Variants in WDR45B observed in about 807,000 individuals in gnomAD.
WDR45B encodes WD repeat domain 45B.
A neutral mutation model predicts 44.6 loss-of-function variants in WDR45B; 20 were observed. The observed-to-expected ratio is 0.45, with a 90% CI of 0.32 to 0.65. The LOEUF (loss-of-function observed/expected upper bound fraction) is 0.65. Among genes scored for constraint, WDR45B ranks in the 30% least tolerant of loss-of-function variants. The pLI, the probability that WDR45B is intolerant of heterozygous loss-of-function variation, is 0.05. For synonymous variants in WDR45B, 169 were observed against 164.9 expected, an observed-to-expected ratio of 1.02 and a Z score of -0.19; for missense variants, 323 against 430.2, an observed-to-expected ratio of 0.75 and a Z score of 2.20.
chr17:82,643,957 T>C lies in WDR45B; in HGVS notation c.134A>G (p.Glu45Gly), dbSNP rs1313323355. 2 of 1,614,074 alleles carry C rather than the reference T, an allele frequency of 1.2e-6. No homozygotes were observed. The highest frequency in any genetic ancestry group is 1.7e-5 in the Admixed American group (1 of 60,016). The change falls in exon 2 of 10, where the codon GAG (glutamate) becomes GGG (glycine). Residue 45 changes from glutamate to glycine, a missense_variant. Physicochemically the swap from Glu to Gly is moderately conservative, Grantham distance 98 (BLOSUM62 -2). Transcript: ENST00000392325. ...VYNTDPLKEK[E>G]KQEFLEGGVG... ...GTCCCGTTAATTCTTACCTTGTTTC[T>C]CTTTTTCTTTTAGTGGATCAGTGTT...
chr17:82,639,556 G>A lies in WDR45B; in HGVS notation c.142+4393C>T, dbSNP rs946793930. ...AACCACCTGCTACCTACACATTGCAGGCCTCCCATTTCTCTAGCACCTTCA... is the reference window on the plus strand; with the variant it reads ...AACCACCTGCTACCTACACATTGCAAGCCTCCCATTTCTCTAGCACCTTCA... On this transcript the variant is annotated intron_variant, in intron 2 of 9. Transcript: ENST00000392325. Among the ~76,000 whole-genome samples, 12 of 152,066 alleles carry A rather than the reference G, an allele frequency of 7.9e-5. 1 individual carries two copies. The highest frequency in any genetic ancestry group is 2.9e-4 in the African/African-American group (12 of 41,312).
chr17:82,626,257 G>C (rs2045695759), intron 4 of WDR45B, among the ~76,000 whole-genome samples: 1 of 151,366 alleles, frequency 6.6e-6, no homozygotes, highest in Non-Finnish European at 1.5e-5. Flanking sequence ...AGGAAAGTTG[G>C]CCGGGCGCAG....
At chr17:82,637,514 A>G (rs1003493373) in intron 2 of WDR45B, among the ~76,000 whole-genome samples, 1 of 151,948 alleles carries the variant, frequency 6.6e-6, no homozygotes, top group Admixed American at 6.6e-5. Context: ...TAGATCCCAC[A>G]GGTTGAAGGC....
intron 4 of WDR45B, among the ~76,000 whole-genome samples, chr17:82,626,211 T>G (rs1405437657): frequency 6.6e-6 from 1 of 150,994 alleles, no homozygotes; most frequent in African/African-American, 2.4e-5. Context: ...CTTTAAATAT[T>G]GACGTTATTA....
chr17:82,639,617 G>A (rs1445239472), intron 2 of WDR45B, among the ~76,000 whole-genome samples: 1 of 151,014 alleles, frequency 6.6e-6, no homozygotes, highest in Admixed American at 6.6e-5. Flanking sequence ...CACGAAGCCT[G>A]CAGGACCTGT....
At chr17:82,624,944 G>GT (rs1486750941) in intron 5 of WDR45B, among the ~76,000 whole-genome samples, 21 of 152,074 alleles carry the variant, frequency 1.4e-4, no homozygotes, top group Non-Finnish European at 2.5e-4. Flanking sequence ...AAACGAGTCA[G>GT]TTTTTTGTAA....
At chr17:82,644,336 T>C in intron 1 of WDR45B, 1 of 417,574 alleles carries the variant, frequency 2.4e-6, no homozygotes, top group Non-Finnish European at 4.5e-6. Context: ...TGAAGGACAC[T>C]TCTAGAGGAA....
intron 6 of WDR45B, among the ~76,000 whole-genome samples, chr17:82,621,322 G>A (rs763568122): frequency 6.6e-6 from 1 of 152,172 alleles, no homozygotes; most frequent in Admixed American, 6.5e-5. Context: ...CCAAATTGCT[G>A]GGATTACAGG....
intron 2 of WDR45B, among the ~76,000 whole-genome samples, chr17:82,642,168 G>A (rs1291413501): frequency 1.3e-5 from 2 of 152,132 alleles, no homozygotes; most frequent in African/African-American, 4.8e-5. Context: ...CAACCCCGGG[G>A]CAGTACTGGT....
chr17:82,616,171 T>G, intron 9 of WDR45B, 146 bp from the exon 10 acceptor site: 1 of 827,546 alleles, frequency 1.2e-6, no homozygotes. Flanking sequence ...CCCCACTGAA[T>G]GCGTTCGGTC....
In WDR45B at chr17:82,644,013, C is replaced by G; in HGVS notation, c.78G>C (p.Ala26=). 6.2e-7 allele frequency: 1 copy of G among 1,614,082 alleles called. No individual in the cohort carries two copies. Among genetic ancestry groups the G allele is most frequent in the Non-Finnish European group, 8.5e-7 (1 of 1,179,998 alleles). The change falls in exon 2 of 10, where the codon GCG becomes GCC. Residue 26 remains alanine (A), a synonymous_variant. Transcript: ENST00000392325. ...CTCGGAATCCATTTTCCATCCCACA[C>G]GCAAAGCATCCTAAAGCAGAAGTGT... is the stretch of plus-strand genomic sequence containing the variant. The part of the protein sequence containing the change: ...AGFNQDHGCF[A]CGMENGFRVY...
chr17:82,616,670 TG>T, intron 8 of WDR45B, 25 bp from the exon 9 acceptor site: 1 of 1,613,770 alleles, frequency 6.2e-7, no homozygotes, highest in Non-Finnish European at 8.5e-7. Flanking sequence ...AAAGAAAGGG[TG>T]GTTCAAAGTT....
Position 82,645,332 on chromosome 17 carries a change from A to C in WDR45B, c.68-1309T>G, listed in dbSNP as rs1266927380. Among the ~76,000 whole-genome samples the C allele has an allele frequency of 2.6e-5, 4 of 152,066 alleles. No individual in the cohort carries two copies. The East Asian group carries it at 5.8e-4, about 22-fold the overall frequency. ...AACAAAAATAAAAAATAAAAATAGA[A>C]ATACCCAAACCACCTCCTAGAAATC... On this transcript the variant is annotated intron_variant, in intron 1 of 9. Coordinates refer to ENST00000392325, the MANE Select transcript of WDR45B (RefSeq NM_019613.4).
chr17:82,619,158 C>T (rs2045579626), intron 6 of WDR45B, 30 bp from the exon 7 acceptor site: 1 of 1,603,482 alleles, frequency 6.2e-7, no homozygotes, highest in African/African-American at 1.3e-5. Flanking sequence ...GTTTCATTAT[C>T]AAAGATTCAA....
chr17:82,647,137 G>A (rs866389077), intron 1 of WDR45B, among the ~76,000 whole-genome samples: 11 of 152,340 alleles, frequency 7.2e-5, no homozygotes, highest in Middle Eastern at 3.4e-3. Flanking sequence ...CCTGAGGCAG[G>A]AGAATGGCGT....
At chr17:82,627,839 T>C (rs896970828) in intron 3 of WDR45B, among the ~76,000 whole-genome samples, 8 of 152,238 alleles carry the variant, frequency 5.3e-5, no homozygotes, top group African/African-American at 1.7e-4. Context: ...ACTGAGCCCA[T>C]AGGCAAGCCT....
intron 1 of WDR45B, among the ~76,000 whole-genome samples, chr17:82,646,741 T>C (rs2045983724): frequency 6.6e-6 from 1 of 152,082 alleles, no homozygotes; most frequent in Non-Finnish European, 1.5e-5. Flanking sequence ...CACACTTCAC[T>C]AAAAAGAAGG....
intron 1 of WDR45B, among the ~76,000 whole-genome samples, chr17:82,647,397 T>A (rs559958835): frequency 6.6e-6 from 1 of 152,094 alleles, no homozygotes; most frequent in Non-Finnish European, 1.5e-5. Flanking sequence ...AAGCGCGCCC[T>A]TCAAATGGGA....
At chr17:82,618,222 G>A (rs113150820) in intron 7 of WDR45B, among the ~76,000 whole-genome samples, 257 of 152,312 alleles carry the variant, frequency 1.7e-3, no homozygotes, top group African/African-American at 6.0e-3. Flanking sequence ...GAGCCACTGC[G>A]CCCGGCTATA....
Sources: allele counts gnomAD v4.1 joint callset (sites outside exome capture counted in the v4.1 genomes callset), GRCh38; gene constraint gnomAD v4.1.1; transcripts MANE v1.5; gene names NCBI Gene and HGNC (gene_info 2026-07-23, HGNC 2026-07-21).